Variants in PSTPIP2 observed in about 807,000 individuals in gnomAD.
PSTPIP2 encodes the protein proline-serine-threonine phosphatase interacting protein 2.
PSTPIP2 carries 33 observed loss-of-function variants against 63.3 expected under a neutral mutation model. The observed-to-expected ratio is 0.52, with a 90% CI of 0.40 to 0.70. The LOEUF is 0.70. Ranked by LOEUF, PSTPIP2 falls within the 30% of genes least tolerant of loss-of-function variation. The pLI is 0.00. For missense variants in PSTPIP2, 312 were observed against 400.7 expected (o/e 0.78, Z 1.89); for synonymous variants, 125 against 132.7 (o/e 0.94, Z 0.40).
chr18:46,044,877 G>A (rs1235370926), intron 1 of PSTPIP2, among the ~76,000 whole-genome samples: 4 of 152,240 alleles, frequency 2.6e-5, no homozygotes, highest in Admixed American at 6.5e-5. Flanking sequence ...TCAAAAGAAG[G>A]CATTTATGCA....
At chr18:46,002,418 T>G (rs2051677556) in intron 6 of PSTPIP2, among the ~76,000 whole-genome samples, 1 of 152,178 alleles carries the variant, frequency 6.6e-6, no homozygotes, top group Non-Finnish European at 1.5e-5. Flanking sequence ...CTCTGTTAAT[T>G]TTTTTCAGCT....
At chr18:46,058,568 C>T (rs1908861903) in intron 1 of PSTPIP2, among the ~76,000 whole-genome samples, 1 of 152,056 alleles carries the variant, frequency 6.6e-6, no homozygotes, top group African/African-American at 2.4e-5. Context: ...ACCGTGTTGG[C>T]CAGGCTGGTC....
chr18:46,057,332 TC>T (rs1908795431), intron 1 of PSTPIP2, among the ~76,000 whole-genome samples: 1 of 151,294 alleles, frequency 6.6e-6, no homozygotes, highest in Non-Finnish European at 1.5e-5. Flanking sequence ...CTTTTCTTTT[TC>T]TTTTTTTTTT....
intron 3 of PSTPIP2, among the ~76,000 whole-genome samples, chr18:46,019,571 C>A (rs1382169915): frequency 1.3e-5 from 2 of 152,068 alleles, no homozygotes; most frequent in African/African-American, 2.4e-5. Flanking sequence ...GAGGCCAAGG[C>A]GGGAGGATCA....
intron 1 of PSTPIP2, among the ~76,000 whole-genome samples, chr18:46,047,549 G>T (rs540610407): frequency 6.6e-6 from 1 of 152,140 alleles, no homozygotes; most frequent in African/African-American, 2.4e-5. Flanking sequence ...CTGAGATCAC[G>T]CCACTGCACT....
intron 13 of PSTPIP2, 130 bp from the exon 14 acceptor site, chr18:45,988,889 G>T (rs1400997688): frequency 1.4e-6 from 1 of 731,852 alleles, no homozygotes. Flanking sequence ...AAATAGATCT[G>T]CCAACAAAAA....
rs1018169169 is a variant in PSTPIP2 at position 46,028,787 on chromosome 18, C to G, written c.135-4101G>C. ...TTCCAGCATGCCGTGGGAGGAGTAC[C>G]TGCCTGGGCAGAGACTAATAAGCTG... On this transcript the variant is annotated intron_variant, in intron 2 of 14. Coordinates refer to ENST00000409746, the MANE Select transcript of PSTPIP2 (RefSeq NM_024430.4). The G allele has an allele frequency of 3.1e-6, 4 of 1,276,948 alleles. No individual in the cohort carries two copies. The African/African-American group carries it at 5.9e-5, about 19-fold the overall frequency. 79.1% of individuals were successfully genotyped at this position (1,276,948 alleles called of 1,614,324 possible). A position where few individuals can be genotyped will look rare whatever the true frequency, so the allele number is the denominator to read the frequency against.
chr18:46,001,527 A>G (rs2051666725), intron 6 of PSTPIP2, among the ~76,000 whole-genome samples: 1 of 151,778 alleles, frequency 6.6e-6, no homozygotes, highest in Non-Finnish European at 1.5e-5. Flanking sequence ...TAATTTGCAT[A>G]TTTTCTCCCA....
At chr18:46,000,700 T>A (rs2051654860) in intron 6 of PSTPIP2, among the ~76,000 whole-genome samples, 1 of 152,264 alleles carries the variant, frequency 6.6e-6, no homozygotes, top group Admixed American at 6.5e-5. Flanking sequence ...AATTCTGTTT[T>A]ATGTAGTTTA....
At chr18:46,034,943 C>T (rs1907912213) in intron 2 of PSTPIP2, among the ~76,000 whole-genome samples, 1 of 152,194 alleles carries the variant, frequency 6.6e-6, no homozygotes, top group Non-Finnish European at 1.5e-5. Flanking sequence ...GTATGATTAA[C>T]CCTATTTTTA....
chr18:46,013,832 AG>A (rs1235832608), intron 4 of PSTPIP2, among the ~76,000 whole-genome samples: 1 of 152,162 alleles, frequency 6.6e-6, no homozygotes, highest in Non-Finnish European at 1.5e-5. Flanking sequence ...ACCCCAACAG[AG>A]ATGAACTCTG....
intron 6 of PSTPIP2, among the ~76,000 whole-genome samples, chr18:46,003,723 C>T (rs1599705621): frequency 6.6e-6 from 1 of 151,286 alleles, no homozygotes; most frequent in Admixed American, 6.6e-5. Context: ...AGGTCACTAG[C>T]CAGTGTGCCT....
At chr18:45,999,377 G>T in intron 7 of PSTPIP2, 59 bp downstream of exon 7, 2 of 1,451,602 alleles carry the variant, frequency 1.4e-6, no homozygotes, top group Non-Finnish European at 1.9e-6. Flanking sequence ...ATTCATAATT[G>T]GCTTTAGCCT....
chr18:46,004,226 C>T (rs927769965), intron 6 of PSTPIP2, among the ~76,000 whole-genome samples: 1 of 152,166 alleles, frequency 6.6e-6, no homozygotes, highest in African/African-American at 2.4e-5. Flanking sequence ...TGAGGGATTT[C>T]TGCATCAAGG....
chr18:46,025,694 AAAAG>A lies in PSTPIP2; in HGVS notation c.135-1012_135-1009del, dbSNP rs1005980383. Among the ~76,000 whole-genome samples, 24 of 152,052 alleles carry A rather than the reference AAAAG, an allele frequency of 1.6e-4. 1 individual carries two copies. The highest frequency in any genetic ancestry group is 2.9e-4 in the African/African-American group (12 of 41,508). ...GTTTTCACTACCACTAAAAAAAAAA[AAAAG>A]AAAGAAAGAAAAGAAAAAAGAAAAA... On this transcript the variant is annotated intron_variant, in intron 2 of 14. Coordinates refer to ENST00000409746, the MANE Select transcript of PSTPIP2 (RefSeq NM_024430.4).
chr18:46,057,658 A>G (rs776541171), intron 1 of PSTPIP2, among the ~76,000 whole-genome samples: 12 of 152,052 alleles, frequency 7.9e-5, no homozygotes, highest in Non-Finnish European at 1.6e-4. Flanking sequence ...TTTACAGAAT[A>G]TCTCATTGTT....
At chr18:46,039,842 G>C in intron 2 of PSTPIP2, 105 bp downstream of exon 2, 1 of 922,430 alleles carries the variant, frequency 1.1e-6, no homozygotes, top group Non-Finnish European at 1.8e-6. Context: ...GCAGAGAGAG[G>C]GTCTTCAGAA....
In PSTPIP2 at chr18:45,985,399, C is replaced by T. The variant is rs377655482; in HGVS notation, c.*60G>A. On this transcript the variant is annotated 3_prime_UTR_variant, in exon 15 of 15. Coordinates refer to ENST00000409746, the MANE Select transcript of PSTPIP2 (RefSeq NM_024430.4). ...TAACGTGGCTATAGGTCCTGCTGCT[C>T]TGGGTGCCCTTTCCATATCACAGAA... 4.5e-4 allele frequency: 724 copies of T among 1,610,814 alleles called. No individual in the cohort carries two copies. Among genetic ancestry groups the T allele is most frequent in the Admixed American group, 1.1e-3 (66 of 59,452 alleles).
chr18:46,060,227 C>CT (rs1242240713), intron 1 of PSTPIP2, among the ~76,000 whole-genome samples: 1 of 152,056 alleles, frequency 6.6e-6, no homozygotes, highest in African/African-American at 2.4e-5. Flanking sequence ...ATTAGGGACT[C>CT]TATTTCACTA....
Sources: allele counts gnomAD v4.1 joint callset (sites outside exome capture counted in the v4.1 genomes callset), GRCh38; gene constraint gnomAD v4.1.1; transcripts MANE v1.5; gene names NCBI Gene and HGNC (gene_info 2026-07-23, HGNC 2026-07-21).